Variants in EFEMP1 observed in about 807,000 individuals in gnomAD.
EFEMP1 encodes EGF-containing fibulin-like extracellular matrix protein 1.
In EFEMP1, 18 loss-of-function variants were observed where a neutral mutation model predicts 65.7. The ratio of observed to expected loss-of-function variants is 0.27; its 90% CI spans 0.19 to 0.41. EFEMP1 has a LOEUF of 0.41. Among genes scored for constraint, EFEMP1 ranks in the 10% least tolerant of loss-of-function variants. The pLI, the probability that EFEMP1 is intolerant of heterozygous loss-of-function variation, is 1.00. For missense variants in EFEMP1, 469 were observed against 624.8 expected (o/e 0.75, Z 2.66); for synonymous variants, 237 against 219.7 (o/e 1.08, Z -0.70).
intron 11 of EFEMP1, among the ~76,000 whole-genome samples, chr2:55,868,198 A>G (rs1668660746): frequency 6.6e-6 from 1 of 152,170 alleles, no homozygotes; most frequent in Non-Finnish European, 1.5e-5. Flanking sequence ...CCTCTTGTAA[A>G]CAATAGTTGT....
chr2:55,881,608 T>C lies in EFEMP1; in HGVS notation c.640+4A>G. 4 of 1,613,494 alleles carry C rather than the reference T, an allele frequency of 2.5e-6. No homozygotes were observed. Among genetic ancestry groups the C allele is most frequent in the Non-Finnish European group, 3.4e-6 (4 of 1,179,884 alleles). On this transcript the variant is annotated splice_donor_region_variant and intron_variant, in intron 6 of 11. Coordinates refer to ENST00000355426, the MANE Select transcript of EFEMP1 (RefSeq NM_001039348.3). ...GACCGTGCTCACTGCACTGTGGTAC[T>C]TACCTACGCACTGCTCCCCTCGCTT...
intron 5 of EFEMP1, among the ~76,000 whole-genome samples, chr2:55,892,671 T>C (rs1003373809): frequency 6.6e-6 from 1 of 152,130 alleles, no homozygotes; most frequent in Admixed American, 6.5e-5. Context: ...GCAGTGCAAA[T>C]TCTGAAAAAG....
rs1346678991 is a variant in EFEMP1 at position 55,922,448 on chromosome 2, CTCAAAGAAAA to C, written c.-7-11_-7-2del. 1.2e-6 allele frequency: 2 copies of C among 1,613,208 alleles called. No individual in the cohort carries two copies. Among genetic ancestry groups the C allele is most frequent in the Non-Finnish European group, 1.7e-6 (2 of 1,179,316 alleles). On this transcript the variant is annotated splice_acceptor_variant and splice_polypyrimidine_tract_variant and intron_variant, in intron 2 of 11. Transcript: ENST00000355426. LOFTEE classifies it low-confidence loss of function (5UTR_SPLICE). The surrounding 1 kb of genome is among the most constrained non-coding windows in gnomAD (Gnocchi z 5.5). ...GAAAAGGGCTTTCAACATTGTGAAT[CTCAAAGAAAA>C]TACAGGACAAACTAATGTTTAGTAT...
intron 5 of EFEMP1, among the ~76,000 whole-genome samples, chr2:55,911,565 T>A (rs992171143): frequency 1.3e-5 from 2 of 152,122 alleles, no homozygotes; most frequent in Admixed American, 6.6e-5. Flanking sequence ...TAAAACAGTA[T>A]AATCCCAGAA....
chr2:55,896,824 G>A (rs989781645), intron 5 of EFEMP1, among the ~76,000 whole-genome samples: 2 of 152,208 alleles, frequency 1.3e-5, no homozygotes, highest in Non-Finnish European at 2.9e-5. Flanking sequence ...ATAAATGGAA[G>A]CTGATTACAT....
At chr2:55,895,880 C>T (rs934421187) in intron 5 of EFEMP1, among the ~76,000 whole-genome samples, 5 of 152,148 alleles carry the variant, frequency 3.3e-5, no homozygotes, top group Non-Finnish European at 7.3e-5. Flanking sequence ...AGCAAACTCA[C>T]TATCTCTGGA....
At chr2:55,904,972 TTTTTTTCTTTTTC>T (rs367679605) in intron 5 of EFEMP1, among the ~76,000 whole-genome samples, 12,971 of 54,432 alleles carry the variant, frequency 0.24, 1,322 homozygotes, top group African/African-American at 0.44. Context: ...GTGGCTTTTT[TTTTTTTCTTTTTC>T]TTTTTTTTTT....
rs1352365590 is a variant in EFEMP1 at position 55,922,121 on chromosome 2, AG to A, written c.81+238del. 1.9e-5 allele frequency: 9 copies of A among 478,540 alleles called. No individual in the cohort carries two copies. The highest frequency in any genetic ancestry group is 1.8e-4 in the African/African-American group (9 of 50,952). The allele number at this position is 478,540 out of a possible 1,614,324, so 29.6% of individuals were successfully genotyped here. A position where few individuals can be genotyped will look rare whatever the true frequency, so the allele number is the denominator to read the frequency against. On this transcript the variant is annotated intron_variant, in intron 3 of 11. Coordinates refer to ENST00000355426, the MANE Select transcript of EFEMP1 (RefSeq NM_001039348.3). The surrounding 1 kb of genome is among the most constrained non-coding windows in gnomAD (Gnocchi z 5.5). ...TAGTTTTTGAACGGATCCCATTTTT[AG>A]CCCTGCACAAATGATTACATGTTGG...
intron 9 of EFEMP1, among the ~76,000 whole-genome samples, chr2:55,874,134 A>G (rs1668930047): frequency 6.6e-6 from 1 of 152,084 alleles, no homozygotes; most frequent in African/African-American, 2.4e-5. Flanking sequence ...GACTGAATAC[A>G]GTGGAGCTGG....
intron 5 of EFEMP1, among the ~76,000 whole-genome samples, chr2:55,907,761 T>C (rs1259584822): frequency 2.0e-5 from 3 of 152,198 alleles, no homozygotes; most frequent in African/African-American, 7.2e-5. Flanking sequence ...CCACTTTGGA[T>C]TGTGTTCTGT....
In EFEMP1 at chr2:55,874,927, A is replaced by G. The variant is rs766004890; in HGVS notation, c.1000+19T>C. 3.6e-6 allele frequency: 4 copies of G among 1,102,170 alleles called. No individual in the cohort carries two copies. Among genetic ancestry groups the G allele is most frequent in the Non-Finnish European group, 4.8e-6 (4 of 829,798 alleles). 68.3% of individuals were successfully genotyped at this position (1,102,170 alleles called of 1,614,324 possible). On this transcript the variant is annotated intron_variant, in intron 9 of 11. Transcript: ENST00000355426. The stretch of plus-strand genomic sequence containing the variant: ...GCTAAAACTAAATACCTAACATATG[A>G]AAAAAAAAATAAACTTACCTTGACA...
chr2:55,918,429 CA>C (rs1015134213), intron 3 of EFEMP1, among the ~76,000 whole-genome samples, 162 bp from the exon 4 acceptor site: 6 of 151,826 alleles, frequency 4.0e-5, no homozygotes, highest in African/African-American at 1.5e-4. Flanking sequence ...GCTTTTTTTT[CA>C]AAAGACAAGT....
At chr2:55,895,256 T>C (rs1188513529) in intron 5 of EFEMP1, among the ~76,000 whole-genome samples, 1 of 152,248 alleles carries the variant, frequency 6.6e-6, no homozygotes, top group Non-Finnish European at 1.5e-5. Flanking sequence ...TCCTGTATGA[T>C]TGGTCTGAAT....
At position 55,923,773 on chromosome 2, in the gene EFEMP1, C is replaced by A; in HGVS notation, c.-111G>T. Reference sequence around the variant, plus strand: ...GGGGAGTGCGCAGGGGAGGGCAGCCCCGTGGGTCTGATCTGGCGAAGTCCG... The same window carrying A: ...GGGGAGTGCGCAGGGGAGGGCAGCCACGTGGGTCTGATCTGGCGAAGTCCG... On this transcript the variant is annotated 5_prime_UTR_variant, in exon 1 of 12. Coordinates refer to ENST00000355426, the MANE Select transcript of EFEMP1 (RefSeq NM_001039348.3). This position sits in a 1 kb window ranked among gnomAD's most constrained non-coding sequence, Gnocchi z 5.3. 4 of 986,246 alleles carry A rather than the reference C, an allele frequency of 4.1e-6. No homozygotes were observed. Among genetic ancestry groups the A allele is most frequent in the Non-Finnish European group, 4.8e-6 (4 of 830,634 alleles). The allele number at this position is 986,246 out of a possible 1,614,324, so 61.1% of individuals were successfully genotyped here. A position where few individuals can be genotyped will look rare whatever the true frequency, so the allele number is the denominator to read the frequency against.
intron 6 of EFEMP1, 78 bp downstream of exon 6, chr2:55,881,534 G>A (rs1365338137): frequency 6.3e-7 from 1 of 1,575,796 alleles, no homozygotes. Context: ...AAACATGAAT[G>A]CTTTGATTGG....
intron 5 of EFEMP1, among the ~76,000 whole-genome samples, chr2:55,899,256 G>A (rs1669945520): frequency 6.6e-6 from 1 of 152,180 alleles, no homozygotes; most frequent in African/African-American, 2.4e-5. Context: ...GAATTATTGA[G>A]CTGAATTATT....
chr2:55,913,486 T>C lies in EFEMP1; in HGVS notation c.517+4179A>G, dbSNP rs1462379172. Among the ~76,000 whole-genome samples the C allele has an allele frequency of 5.3e-5, 8 of 152,302 alleles. No individual in the cohort carries two copies. The South Asian group carries it at 1.0e-3, about 20-fold the overall frequency. ...AGTCCTGACAGGGTTTATTAGTGGC[T>C]TAATTACCAGGTATGCAAAATGCCA... is the stretch of plus-strand genomic sequence containing the variant. On this transcript the variant is annotated intron_variant, in intron 5 of 11. Coordinates refer to ENST00000355426, the MANE Select transcript of EFEMP1 (RefSeq NM_001039348.3).
intron 5 of EFEMP1, among the ~76,000 whole-genome samples, chr2:55,913,133 C>A (rs1393038146): frequency 2.6e-5 from 4 of 152,124 alleles, no homozygotes; most frequent in African/African-American, 9.7e-5. Context: ...GAAAAAATGG[C>A]TCTAACGTTA....
Position 55,871,226 on chromosome 2 carries a change from A to G in EFEMP1, c.1001-103T>C. The G allele has an allele frequency of 5.2e-6, 8 of 1,538,414 alleles. No homozygotes were observed. Among genetic ancestry groups the G allele is most frequent in the Non-Finnish European group, 7.1e-6 (8 of 1,124,458 alleles). ...CTGTTTGCAAGGAAGGAGGTGTGAG[A>G]GCATCTGGACTGTGTTCAACCTGCT... is the stretch of plus-strand genomic sequence containing the variant. On this transcript the variant is annotated intron_variant, in intron 9 of 11. Coordinates refer to ENST00000355426, the MANE Select transcript of EFEMP1 (RefSeq NM_001039348.3). This position sits in a 1 kb window ranked among gnomAD's most constrained non-coding sequence, Gnocchi z 4.2.
Sources: gnomAD v4.1 joint callset for allele counts (sites outside exome capture counted in the v4.1 genomes callset) on GRCh38, gnomAD v4.1.1 for gene constraint, Gnocchi (gnomAD v3.1) non-coding constraint, MANE v1.5 for transcripts, NCBI Gene and HGNC (gene_info 2026-07-23, HGNC 2026-07-21) for gene names.